The following SPTY2D1 variants were observed in gnomAD, a reference collection of about 807,000 sequenced individuals.
SPTY2D1 encodes protein SPT2 homolog.
A neutral mutation model predicts 64.0 loss-of-function variants in SPTY2D1; 21 were observed. The observed-to-expected ratio is 0.33, with a 90% CI of 0.23 to 0.47. The LOEUF (loss-of-function observed/expected upper bound fraction) is 0.47, where lower values mean the gene tolerates loss of function less well. Among genes scored for constraint, SPTY2D1 ranks in the 20% least tolerant of loss-of-function variants. SPTY2D1 has a pLI of 1.00. For missense variants in SPTY2D1, 724 were observed against 837.2 expected, an observed-to-expected ratio of 0.86 and a Z score of 1.67; for synonymous variants, 287 against 286.8, an observed-to-expected ratio of 1.00 and a Z score of -0.01.
At chr11:18,628,873 T>C (rs901639008) in intron 1 of SPTY2D1, among the ~76,000 whole-genome samples, 2 of 152,234 alleles carry the variant, frequency 1.3e-5, no homozygotes, top group Non-Finnish European at 2.9e-5. Flanking sequence ...GTGGGCTTTT[T>C]TTAAATACAT....
Position 18,615,862 on chromosome 11 carries a change from C to G in SPTY2D1, c.412G>C (p.Glu138Gln), listed in dbSNP as rs781427067. ...TCTTCCTCATACTCCTGCTCTGACTCTGCGTGATTGTACTCGAGGAATTCA... is the reference window on the plus strand; with the variant it reads ...TCTTCCTCATACTCCTGCTCTGACTGTGCGTGATTGTACTCGAGGAATTCA... ...ENEFLEYNHA[E>Q]SEQEYEEEQE... is the part of the protein sequence containing the mutation. Residue 138 changes from glutamate (E) to glutamine (Q), a missense_variant, in exon 3 of 6, where the codon GAG becomes CAG. By Grantham distance (29) the Glu-to-Gln change is conservative. Transcript: ENST00000336349. 1.2e-6 allele frequency: 2 copies of G among 1,614,070 alleles called. No individual in the cohort carries two copies. Among genetic ancestry groups the G allele is most frequent in the South Asian group, 2.2e-5 (2 of 91,072 alleles).
chr11:18,622,954 AAACAACAAC>A (rs71050619), intron 1 of SPTY2D1, among the ~76,000 whole-genome samples: 7,166 of 149,288 alleles, frequency 0.048, 202 homozygotes, highest in African/African-American at 0.054. Context: ...CTCTGTCTCA[AAACAACAAC>A]AACAACAACA....
intron 5 of SPTY2D1, among the ~76,000 whole-genome samples, chr11:18,610,615 G>A (rs1224702383): frequency 4.1e-5 from 6 of 147,194 alleles, no homozygotes; most frequent in Admixed American, 2.8e-4. Flanking sequence ...GCAGTGAGCC[G>A]TGACCATGCC....
chr11:18,622,391 C>T (rs1854425899), intron 1 of SPTY2D1, among the ~76,000 whole-genome samples: 1 of 151,760 alleles, frequency 6.6e-6, no homozygotes, highest in African/African-American at 2.4e-5. Context: ...ATTAGCCGGA[C>T]ATTGTGACGC....
intron 1 of SPTY2D1, among the ~76,000 whole-genome samples, chr11:18,625,215 G>A (rs1223749699): frequency 6.6e-6 from 1 of 152,166 alleles, no homozygotes; most frequent in South Asian, 2.1e-4. Flanking sequence ...CAGAGTCAGA[G>A]AAAGAAAGTA....
intron 4 of SPTY2D1, among the ~76,000 whole-genome samples, 163 bp from the exon 5 acceptor site, chr11:18,611,717 G>A (rs1449505906): frequency 3.3e-5 from 5 of 152,170 alleles, no homozygotes; most frequent in Non-Finnish European, 5.9e-5. Flanking sequence ...AGGATGGATA[G>A]GTTTCTGAAG....
At position 18,612,553 on chromosome 11, in the gene SPTY2D1, C is replaced by G; in HGVS notation, c.1712-65G>C. The G allele has an allele frequency of 1.4e-6, 2 of 1,394,922 alleles. No homozygotes were observed. Among genetic ancestry groups the G allele is most frequent in the Non-Finnish European group, 1.9e-6 (2 of 1,048,914 alleles). The allele number at this position is 1,394,922 out of a possible 1,614,324, so 86.4% of individuals were successfully genotyped here. On this transcript the variant is annotated intron_variant, in intron 3 of 5. Coordinates refer to ENST00000336349, the MANE Select transcript of SPTY2D1 (RefSeq NM_194285.3). The surrounding 1 kb of genome is among the most constrained non-coding windows in gnomAD (Gnocchi z 4.6). ...TAGTTCCAATGCAGTTCTATGTAAA[C>G]TGAAATTGTGAGTCATCATTAAGAT...
intron 5 of SPTY2D1, 130 bp from the exon 6 acceptor site, chr11:18,610,084 C>A (rs1854174731): frequency 1.4e-6 from 1 of 693,992 alleles, no homozygotes; most frequent in Non-Finnish European, 2.3e-6. Flanking sequence ...CAAGGCTTTA[C>A]CACTGAAAAC....
At chr11:18,622,091 A>AAAAAAAAAAAAAAAAAAAAAAAC (rs1590403773) in intron 1 of SPTY2D1, among the ~76,000 whole-genome samples, 1 of 146,340 alleles carries the variant, frequency 6.8e-6, no homozygotes, top group East Asian at 2.0e-4. Flanking sequence ...TATCTCAAAA[A>AAAAAAAAAAAAAAAAAAAAAAAC]AAAAAAAAAA....
intron 1 of SPTY2D1, among the ~76,000 whole-genome samples, chr11:18,621,479 T>A (rs1181847136): frequency 1.3e-5 from 2 of 152,202 alleles, no homozygotes; most frequent in Non-Finnish European, 2.9e-5. Context: ...AGGCTACTTT[T>A]AGCTTTTTTT....
chr11:18,612,246 C>T lies in SPTY2D1; in HGVS notation c.1886+68G>A. The T allele has an allele frequency of 1.5e-6, 2 of 1,333,526 alleles. No individual in the cohort carries two copies. The highest frequency in any genetic ancestry group is 1.5e-5 in the South Asian group (1 of 65,978). 82.6% of individuals were successfully genotyped at this position (1,333,526 alleles called of 1,614,324 possible). A position where few individuals can be genotyped will look rare whatever the true frequency, so the allele number is the denominator to read the frequency against. ...CAGTGCCTCCACTATTAGTTTATTA[C>T]CCCATGACATGAATTATTCAAAATA... On this transcript the variant is annotated intron_variant, in intron 4 of 5. Transcript: ENST00000336349. The surrounding 1 kb of genome is among the most constrained non-coding windows in gnomAD (Gnocchi z 4.6).
chr11:18,624,854 C>T (rs2134116329), intron 1 of SPTY2D1, among the ~76,000 whole-genome samples: 1 of 152,250 alleles, frequency 6.6e-6, no homozygotes. Context: ...CAAAACTACC[C>T]AGGCGGGATG....
intron 1 of SPTY2D1, among the ~76,000 whole-genome samples, chr11:18,621,893 C>T (rs775610147): frequency 1.9e-4 from 29 of 151,690 alleles, no homozygotes; most frequent in African/African-American, 4.4e-4. Flanking sequence ...TCGAGACCAG[C>T]GTGGGCAATA....
rs752497756 is a variant in SPTY2D1, at chr11:18,614,691, C to G, written c.1583G>C (p.Gly528Ala). 6.2e-7 allele frequency: 1 copy of G among 1,614,236 alleles called. No homozygotes were observed. The highest frequency in any genetic ancestry group is 8.5e-7 in the Non-Finnish European group (1 of 1,180,038). ...LGPGQTVSSS[G>A]PTIKPKCTVV... ...AGTGCACTTAGGCTTTATAGTGGGA[C>G]CTGAGCTACTAACTGTTTGCCCAGG... The change falls in exon 3 of 6, where the codon GGT becomes GCT. Residue 528 changes from glycine (G) to alanine (A), a missense_variant. By Grantham distance (60) the Gly-to-Ala change is moderately conservative (BLOSUM62 0). This residue lies in a region of SPTY2D1 where 426 missense variants were observed against 431.8 expected (regional missense o/e 0.99). Transcript: ENST00000336349.
chr11:18,625,411 G>A (rs1270758600), intron 1 of SPTY2D1, among the ~76,000 whole-genome samples: 1 of 152,126 alleles, frequency 6.6e-6, no homozygotes, highest in Non-Finnish European at 1.5e-5. Context: ...GGTGTCTCAT[G>A]GAGTCTCCAG....
chr11:18,627,125 A>G (rs1307012122), intron 1 of SPTY2D1, among the ~76,000 whole-genome samples: 2 of 151,836 alleles, frequency 1.3e-5, no homozygotes, highest in Non-Finnish European at 2.9e-5. Context: ...GAGATAAAAG[A>G]CCCTTGGCCA....
At chr11:18,624,507 T>C (rs1854465475) in intron 1 of SPTY2D1, among the ~76,000 whole-genome samples, 1 of 152,220 alleles carries the variant, frequency 6.6e-6, no homozygotes, top group African/African-American at 2.4e-5. Flanking sequence ...CAGTGAAGCT[T>C]GTCATTTAAA....
intron 1 of SPTY2D1, among the ~76,000 whole-genome samples, chr11:18,625,481 T>C (rs1312981355): frequency 6.6e-6 from 1 of 152,128 alleles, no homozygotes; most frequent in East Asian, 1.9e-4. Flanking sequence ...AATCACACGG[T>C]TTATAGCAGA....
At position 18,634,277 on chromosome 11, in the gene SPTY2D1, G is replaced by C; in HGVS notation, c.-20C>G. 2 of 1,613,990 alleles carry C rather than the reference G, an allele frequency of 1.2e-6. No individual in the cohort carries two copies. The highest frequency in any genetic ancestry group is 1.7e-6 in the Non-Finnish European group (2 of 1,179,974). On this transcript the variant is annotated 5_prime_UTR_variant, in exon 1 of 6. Transcript: ENST00000336349. ...GTCCATGTTGGGCCGAGGCGGGAGAGACTGGGCCAGGCACTCGGAAAGGAC... is the reference window on the plus strand; with the variant it reads ...GTCCATGTTGGGCCGAGGCGGGAGACACTGGGCCAGGCACTCGGAAAGGAC...
Sources: allele counts gnomAD v4.1 joint callset (sites outside exome capture counted in the v4.1 genomes callset), GRCh38; gene constraint gnomAD v4.1.1; regional missense constraint gnomAD v4.1.1; non-coding constraint Gnocchi (gnomAD v3.1); transcripts MANE v1.5; gene names NCBI Gene and HGNC (gene_info 2026-07-23, HGNC 2026-07-21).